Variants in MSI2 observed in about 807,000 individuals in gnomAD.
MSI2 encodes the protein RNA-binding protein Musashi homolog 2.
A neutral mutation model predicts 45.6 loss-of-function variants in MSI2; 17 were observed. The observed-to-expected ratio is 0.37, with a 90% CI of 0.26 to 0.56. The LOEUF (loss-of-function observed/expected upper bound fraction) is 0.56, where lower values mean the gene tolerates loss of function less well. Ranked by LOEUF, MSI2 falls within the 20% of genes least tolerant of loss-of-function variation. The pLI, the probability that MSI2 is intolerant of heterozygous loss-of-function variation, is 0.77. For missense variants in MSI2, 293 were observed against 444.2 expected (o/e 0.66, Z 3.06); for synonymous variants, 156 against 158.2 (o/e 0.99, Z 0.11).
At chr17:57,446,837 C>T (rs540306807) in intron 6 of MSI2, among the ~76,000 whole-genome samples, 1 of 152,266 alleles carries the variant, frequency 6.6e-6, no homozygotes, top group African/African-American at 2.4e-5. Flanking sequence ...GTGTGTTAGA[C>T]GAACACCAAA....
chr17:57,539,554 C>G (rs1000164912), intron 7 of MSI2, among the ~76,000 whole-genome samples: 1 of 22,062 alleles, frequency 4.5e-5, no homozygotes, highest in Non-Finnish European at 8.9e-5. Flanking sequence ...TAGCCAGGAA[C>G]GGTGGCACGT....
At chr17:57,514,576 C>A (rs2086427307) in intron 6 of MSI2, among the ~76,000 whole-genome samples, 1 of 151,876 alleles carries the variant, frequency 6.6e-6, no homozygotes, top group African/African-American at 2.4e-5. Flanking sequence ...AGATCTTTAT[C>A]CTTCAGAGTG....
intron 7 of MSI2, among the ~76,000 whole-genome samples, chr17:57,567,526 C>T (rs1447582617): frequency 6.6e-6 from 1 of 152,234 alleles, no homozygotes; most frequent in Non-Finnish European, 1.5e-5. Flanking sequence ...TTGCGAGTGT[C>T]ATTCATAATA....
intron 7 of MSI2, among the ~76,000 whole-genome samples, chr17:57,577,598 A>T (rs1292268747): frequency 6.6e-6 from 1 of 152,240 alleles, no homozygotes; most frequent in Admixed American, 6.5e-5. Context: ...TTAAAAAGAA[A>T]ATTCCAAACC....
At chr17:57,468,569 G>A (rs1326924818) in intron 6 of MSI2, among the ~76,000 whole-genome samples, 1 of 149,472 alleles carries the variant, frequency 6.7e-6, no homozygotes, top group African/African-American at 2.5e-5. Flanking sequence ...GTACTCAAAC[G>A]CAATACATGT....
chr17:57,472,889 TTTTC>T (rs2085466094), intron 6 of MSI2, among the ~76,000 whole-genome samples: 2 of 152,012 alleles, frequency 1.3e-5, no homozygotes, highest in South Asian at 2.1e-4. Context: ...GCCACTTTTC[TTTTC>T]TTTCTTTTTT....
At chr17:57,455,346 A>G (rs2143578570) in intron 6 of MSI2, among the ~76,000 whole-genome samples, 1 of 152,316 alleles carries the variant, frequency 6.6e-6, no homozygotes, top group African/African-American at 2.4e-5. Context: ...GGCAGCCATC[A>G]TAAGACTTGA....
intron 9 of MSI2, among the ~76,000 whole-genome samples, chr17:57,617,571 A>G (rs1907838094): frequency 6.6e-6 from 1 of 152,196 alleles, no homozygotes; most frequent in Admixed American, 6.5e-5. Context: ...TTTAAAAAAT[A>G]ATTTTTATTA....
At chr17:57,626,619 G>A (rs530417005) in intron 9 of MSI2, 22 of 152,648 alleles carry the variant, frequency 1.4e-4, no homozygotes, top group African/African-American at 4.3e-4. Context: ...CTCCTGAGTC[G>A]GAGCTACACT....
At chr17:57,320,333 T>C (rs1425099736) in intron 5 of MSI2, among the ~76,000 whole-genome samples, 6 of 152,062 alleles carry the variant, frequency 3.9e-5, no homozygotes, top group African/African-American at 1.5e-4. Context: ...GCTTTTTGCC[T>C]CTCTTGGGGA....
chr17:57,673,770 C>T (rs1025185124), intron 11 of MSI2, among the ~76,000 whole-genome samples: 1 of 152,042 alleles, frequency 6.6e-6, no homozygotes, highest in Non-Finnish European at 1.5e-5. Flanking sequence ...CCCCACCACT[C>T]TCTGGATTTG....
intron 5 of MSI2, among the ~76,000 whole-genome samples, chr17:57,314,136 C>T (rs1025193304): frequency 6.6e-6 from 1 of 152,150 alleles, no homozygotes; most frequent in African/African-American, 2.4e-5. Context: ...TCCCAGTGCC[C>T]ATATGCCATC....
chr17:57,509,277 AT>A (rs1191371156), intron 6 of MSI2, among the ~76,000 whole-genome samples: 1 of 151,974 alleles, frequency 6.6e-6, no homozygotes. Flanking sequence ...TCTCTTAAAT[AT>A]TTTTTCTCTC....
At chr17:57,394,915 A>C (rs2083861950) in intron 5 of MSI2, among the ~76,000 whole-genome samples, 1 of 152,254 alleles carries the variant, frequency 6.6e-6, no homozygotes, top group Non-Finnish European at 1.5e-5. Flanking sequence ...GCTGTAACAA[A>C]TTACCACACA....
chr17:57,468,315 A>G (rs1431592743), intron 6 of MSI2, among the ~76,000 whole-genome samples: 1 of 151,652 alleles, frequency 6.6e-6, no homozygotes, highest in East Asian at 2.0e-4. Flanking sequence ...TCACGAGGTC[A>G]GGAGATCAAG....
chr17:57,334,817 A>G (rs1477448424), intron 5 of MSI2, among the ~76,000 whole-genome samples: 1 of 151,952 alleles, frequency 6.6e-6, no homozygotes, highest in Admixed American at 6.6e-5. Context: ...AATAAATAAG[A>G]TAAAAAAATA....
At chr17:57,381,119 G>A (rs1447765138) in intron 5 of MSI2, among the ~76,000 whole-genome samples, 1 of 151,962 alleles carries the variant, frequency 6.6e-6, no homozygotes, top group Non-Finnish European at 1.5e-5. Flanking sequence ...CCAGGCTGGA[G>A]GGCAGTGGCA....
At chr17:57,453,246 C>A (rs1367111060) in intron 6 of MSI2, among the ~76,000 whole-genome samples, 6 of 152,050 alleles carry the variant, frequency 3.9e-5, no homozygotes, top group Admixed American at 6.6e-5. Context: ...AGCAATCTGC[C>A]CACCTCAGCC....
chr17:57,472,846 G>A (rs1241159980), intron 6 of MSI2, among the ~76,000 whole-genome samples: 1 of 151,818 alleles, frequency 6.6e-6, no homozygotes, highest in Non-Finnish European at 1.5e-5. Flanking sequence ...CTACTCACAG[G>A]GCACACTATC....
Sources: gnomAD v4.1 joint callset for allele counts (sites outside exome capture counted in the v4.1 genomes callset) on GRCh38, gnomAD v4.1.1 for gene constraint, MANE v1.5 for transcripts, NCBI Gene and HGNC (gene_info 2026-07-23, HGNC 2026-07-21) for gene names.